The following USP25 variants were observed in gnomAD, a reference collection of about 807,000 sequenced individuals.
USP25 encodes ubiquitin specific peptidase 25, also known as ubiquitin carboxyl-terminal hydrolase 25.
In USP25, 85 loss-of-function variants were observed where a neutral mutation model predicts 158.5. That is an observed-to-expected ratio of 0.54 (90% CI 0.45 to 0.64). The LOEUF (loss-of-function observed/expected upper bound fraction) is 0.64. Among genes scored for constraint, USP25 ranks in the 30% least tolerant of loss-of-function variants. USP25 has a pLI of 0.00. For synonymous variants in USP25, 464 were observed against 460.4 expected (o/e 1.01, Z -0.10); for missense variants, 1,242 against 1,327.3 (o/e 0.94, Z 1.00).
At chr21:15,847,559 A>C (rs1236598205) in intron 18 of USP25, 104 bp from the exon 19 acceptor site, 46 of 728,118 alleles carry the variant, frequency 6.3e-5, no homozygotes, top group Non-Finnish European at 1.0e-4. Flanking sequence ...ATATGGATAC[A>C]GGGCTGCTGC....
In USP25 at chr21:15,853,284, CAT is replaced by C. The variant is rs576003439; in HGVS notation, c.2547+3413_2547+3414del. ...CTAGCTGTCTGTATACACACATACA[CAT>C]GTGTACACATGTGTACACACAGGTA... is the stretch of plus-strand genomic sequence containing the variant. On this transcript the variant is annotated intron_variant, in intron 20 of 25. Coordinates refer to ENST00000400183, the MANE Select transcript of USP25 (RefSeq NM_001283041.3). Among the ~76,000 whole-genome samples, 313 of 151,938 alleles carry C rather than the reference CAT, an allele frequency of 2.1e-3. 1 individual carries two copies. The highest frequency in any genetic ancestry group is 0.01 in the Middle Eastern group (3 of 294).
chr21:15,850,285 T>C (rs2146486397), intron 20 of USP25, among the ~76,000 whole-genome samples: 1 of 152,150 alleles, frequency 6.6e-6, no homozygotes, highest in African/African-American at 2.4e-5. Context: ...TATCATTAGG[T>C]ACTAAATTGC....
At chr21:15,790,929 A>C (rs2035556644) in intron 4 of USP25, among the ~76,000 whole-genome samples, 1 of 151,856 alleles carries the variant, frequency 6.6e-6, no homozygotes, top group Non-Finnish European at 1.5e-5. Flanking sequence ...AATTTTCCCA[A>C]AGGCAAACTT....
Position 15,826,573 on chromosome 21 carries a change from C to T in USP25, c.1466+208C>T, listed in dbSNP as rs1430665174. ...TATGGTTATGGATTAAAATTTTAAT[C>T]ACATTTTTTTTCAGTTCAGAATTAT... is the stretch of plus-strand genomic sequence containing the variant. On this transcript the variant is annotated intron_variant, in intron 13 of 25. Coordinates refer to ENST00000400183, the MANE Select transcript of USP25 (RefSeq NM_001283041.3). This position sits in a 1 kb window ranked among gnomAD's most constrained non-coding sequence, Gnocchi z 4.8. Among the ~76,000 whole-genome samples the T allele has an allele frequency of 6.6e-6, 1 of 151,858 alleles. No individual in the cohort carries two copies. The highest frequency in any genetic ancestry group is 6.6e-5 in the Admixed American group (1 of 15,256).
At chr21:15,825,986 C>T (rs1371927131) in intron 12 of USP25, among the ~76,000 whole-genome samples, 2 of 152,088 alleles carry the variant, frequency 1.3e-5, no homozygotes, top group African/African-American at 4.8e-5. Flanking sequence ...AGTATATACT[C>T]ACATTCAGTC....
Position 15,766,899 on chromosome 21 carries a change from C to G in USP25, c.268+758C>G, listed in dbSNP as rs2034070339. On this transcript the variant is annotated intron_variant, in intron 3 of 25. Coordinates refer to ENST00000400183, the MANE Select transcript of USP25 (RefSeq NM_001283041.3). The surrounding 1 kb of genome is among the most constrained non-coding windows in gnomAD (Gnocchi z 4.0). The stretch of plus-strand genomic sequence containing the variant: ...ATTTCTTATTTTGTTTATAGACATT[C>G]TCAAAGTTAGGAAGCAACCAGAAAA... Among the ~76,000 whole-genome samples the G allele has an allele frequency of 6.6e-6, 1 of 151,928 alleles. No homozygotes were observed. Among genetic ancestry groups the G allele is most frequent in the Non-Finnish European group, 1.5e-5 (1 of 67,944 alleles).
At chr21:15,734,908 G>C (rs969428857) in intron 1 of USP25, among the ~76,000 whole-genome samples, 13 of 152,112 alleles carry the variant, frequency 8.5e-5, no homozygotes, top group African/African-American at 2.7e-4. Flanking sequence ...GTAAGGCGCT[G>C]TGCTGAGCCT....
chr21:15,840,876 C>A (rs540299050), intron 17 of USP25, among the ~76,000 whole-genome samples: 12 of 152,294 alleles, frequency 7.9e-5, no homozygotes, highest in Non-Finnish European at 1.8e-4. Flanking sequence ...GAGTGCCAAA[C>A]ACAAGGAAAA....
chr21:15,862,354 C>A (rs1320513166), intron 20 of USP25, among the ~76,000 whole-genome samples: 1 of 151,828 alleles, frequency 6.6e-6, no homozygotes, highest in Non-Finnish European at 1.5e-5. Context: ...GAATGCTCAA[C>A]CAGCATAATG....
At chr21:15,830,432 C>T in intron 14 of USP25, 99 bp from the exon 15 acceptor site, 4 of 965,530 alleles carry the variant, frequency 4.1e-6, no homozygotes, top group Non-Finnish European at 6.1e-6. Flanking sequence ...GGAAAATTTT[C>T]CTATTCCTCT....
intron 7 of USP25, among the ~76,000 whole-genome samples, chr21:15,806,340 G>A (rs527514554): frequency 1.3e-5 from 2 of 151,066 alleles, no homozygotes; most frequent in Non-Finnish European, 2.9e-5. Flanking sequence ...GTGATTCTGA[G>A]TATACAATTA....
At chr21:15,736,916 T>C (rs2031575216) in intron 1 of USP25, among the ~76,000 whole-genome samples, 1 of 147,902 alleles carries the variant, frequency 6.8e-6, no homozygotes, top group Admixed American at 6.8e-5. Context: ...CCACTCTGCT[T>C]TTTTTTTTTT....
intron 19 of USP25, among the ~76,000 whole-genome samples, chr21:15,848,558 T>C (rs536167105): frequency 1.3e-5 from 2 of 150,910 alleles, no homozygotes; most frequent in East Asian, 3.9e-4. Flanking sequence ...GGGAGGGGGG[T>C]GATTTGGAAA....
At chr21:15,846,133 TATATATATATATATATATATATA>T (rs1568882336) in intron 18 of USP25, among the ~76,000 whole-genome samples, 8 of 45,102 alleles carry the variant, frequency 1.8e-4, no homozygotes, top group South Asian at 8.3e-4. Context: ...TATATATATA[TATATATATATATATATATATATA>T]TATTTTTTTT....
chr21:15,778,721 C>G (rs2034795422), intron 4 of USP25, among the ~76,000 whole-genome samples: 1 of 151,938 alleles, frequency 6.6e-6, no homozygotes, highest in Non-Finnish European at 1.5e-5. Flanking sequence ...TTCATAATAC[C>G]TCTAAAAATG....
chr21:15,794,954 G>C (rs1394036496), intron 5 of USP25, among the ~76,000 whole-genome samples: 1 of 151,536 alleles, frequency 6.6e-6, no homozygotes, highest in Non-Finnish European at 1.5e-5. Flanking sequence ...CATATTGTCA[G>C]AACATTTCAG....
At chr21:15,878,199 C>T (rs941757134) in intron 25 of USP25, 104 bp from the exon 26 acceptor site, 33 of 1,431,258 alleles carry the variant, frequency 2.3e-5, no homozygotes, top group Non-Finnish European at 3.0e-5. Flanking sequence ...CCCAAAATGG[C>T]AATTATCTTA....
chr21:15,853,031 G>T (rs2038958642), intron 20 of USP25, among the ~76,000 whole-genome samples: 1 of 152,090 alleles, frequency 6.6e-6, no homozygotes, highest in Non-Finnish European at 1.5e-5. Context: ...TAATATAGAG[G>T]TGTCTAAAAT....
chr21:15,869,153 TAGG>T (rs1279324555), intron 22 of USP25, among the ~76,000 whole-genome samples: 1 of 150,990 alleles, frequency 6.6e-6, no homozygotes, highest in Non-Finnish European at 1.5e-5. Flanking sequence ...GAGACAGAGG[TAGG>T]AGGATTGCTG....
Sources: gnomAD v4.1 joint callset for allele counts (sites outside exome capture counted in the v4.1 genomes callset) on GRCh38, gnomAD v4.1.1 for gene constraint, Gnocchi (gnomAD v3.1) non-coding constraint, MANE v1.5 for transcripts, NCBI Gene and HGNC (gene_info 2026-07-23, HGNC 2026-07-21) for gene names.